FHOD3: variants seen among roughly 807,000 people sequenced by gnomAD.
The protein encoded by FHOD3 is FH1/FH2 domain-containing protein 3.
In FHOD3, 90 loss-of-function variants were observed where a neutral mutation model predicts 173.0. The observed-to-expected ratio is 0.52, with a 90% CI of 0.44 to 0.62. FHOD3 has a LOEUF of 0.62. Ranked by LOEUF, FHOD3 falls within the 20% of genes least tolerant of loss-of-function variation. The pLI is 0.00. For synonymous variants in FHOD3, 828 were observed against 823.0 expected, an observed-to-expected ratio of 1.01 and a Z score of -0.10; for missense variants, 1,945 against 2,034.7, an observed-to-expected ratio of 0.96 and a Z score of 0.85.
intron 8 of FHOD3, among the ~76,000 whole-genome samples, chr18:36,610,093 C>T (rs1373594260): frequency 2.0e-5 from 3 of 152,308 alleles, no homozygotes; most frequent in East Asian, 1.9e-4. Flanking sequence ...GGTGGGGGAA[C>T]GAGGTGAAGA....
At chr18:36,421,442 T>G (rs370643956) in intron 3 of FHOD3, among the ~76,000 whole-genome samples, 82 of 152,346 alleles carry the variant, frequency 5.4e-4, no homozygotes, top group African/African-American at 1.8e-3. Context: ...AGAGTTTGAG[T>G]TGATATTTCA....
chr18:36,691,405 G>T (rs1259355006), intron 16 of FHOD3, among the ~76,000 whole-genome samples: 2 of 152,214 alleles, frequency 1.3e-5, no homozygotes, highest in African/African-American at 4.8e-5. Flanking sequence ...GAATGCCTGT[G>T]CTCACAACTC....
At chr18:36,507,367 G>A (rs1269168211) in intron 4 of FHOD3, among the ~76,000 whole-genome samples, 1 of 152,206 alleles carries the variant, frequency 6.6e-6, no homozygotes, top group African/African-American at 2.4e-5. Flanking sequence ...TGAATCTCAT[G>A]TGCAGACTTG....
intron 4 of FHOD3, among the ~76,000 whole-genome samples, chr18:36,507,750 T>C (rs16967908): frequency 0.026 from 3,982 of 152,288 alleles, 149 homozygotes; most frequent in African/African-American, 0.09. Flanking sequence ...TTCCTGATAC[T>C]AAGCTGAACA....
At chr18:36,622,266 T>G (rs758982875) in intron 9 of FHOD3, among the ~76,000 whole-genome samples, 6 of 152,224 alleles carry the variant, frequency 3.9e-5, no homozygotes, top group Non-Finnish European at 7.3e-5. Context: ...CTATACCACA[T>G]CGTCCCTCTA....
At chr18:36,503,698 C>T (rs142694388) in intron 4 of FHOD3, among the ~76,000 whole-genome samples, 2 of 152,282 alleles carry the variant, frequency 1.3e-5, no homozygotes, top group Admixed American at 1.3e-4. Context: ...GTTTGGTCCT[C>T]CCTAACTCAG....
At chr18:36,534,717 G>C (rs532257647) in intron 5 of FHOD3, among the ~76,000 whole-genome samples, 58 of 152,270 alleles carry the variant, frequency 3.8e-4, no homozygotes, top group Non-Finnish European at 6.5e-4. Context: ...AAAAGATGTA[G>C]AGGACTGAAT....
chr18:36,495,970 C>G (rs572362413), intron 3 of FHOD3, among the ~76,000 whole-genome samples: 1 of 152,264 alleles, frequency 6.6e-6, no homozygotes, highest in Admixed American at 6.5e-5. Context: ...GAAATGGATC[C>G]AAGAGTGATG....
intron 3 of FHOD3, among the ~76,000 whole-genome samples, chr18:36,409,418 G>A (rs561707725): frequency 1.1e-4 from 16 of 152,232 alleles, no homozygotes; most frequent in African/African-American, 3.4e-4. Flanking sequence ...GCTCGTTGCT[G>A]TCTTGCACTA....
Position 36,325,097 on chromosome 18 carries a change from A to G in FHOD3, c.165+27097A>G, listed in dbSNP as rs137910731. 4.8e-3 allele frequency among the ~76,000 whole-genome samples: 734 copies of G among 152,300 alleles called. 5 individuals are homozygous for G. The highest frequency in any genetic ancestry group is 0.017 in the African/African-American group (709 of 41,562). ...AGGAGAGTACATAATGCACATTGAT[A>G]TATCAAGTTCTAGTATAGGGAAAAC... On this transcript the variant is annotated intron_variant, in intron 1 of 28. Coordinates refer to ENST00000590592, the MANE Select transcript of FHOD3 (RefSeq NM_001281740.3).
chr18:36,317,053 T>A (rs571417593), intron 1 of FHOD3, among the ~76,000 whole-genome samples: 3 of 152,374 alleles, frequency 2.0e-5, no homozygotes, highest in African/African-American at 7.2e-5. Context: ...GGACATGAAC[T>A]CATCCTTTTT....
intron 20 of FHOD3, among the ~76,000 whole-genome samples, chr18:36,739,846 A>T (rs2041819788): frequency 6.6e-6 from 1 of 152,174 alleles, no homozygotes; most frequent in South Asian, 2.1e-4. Context: ...TGTTTTAGAA[A>T]TTTTTTGTAG....
intron 6 of FHOD3, among the ~76,000 whole-genome samples, chr18:36,587,571 C>A (rs1054500556): frequency 1.3e-5 from 2 of 152,124 alleles, no homozygotes; most frequent in African/African-American, 4.8e-5. Flanking sequence ...GAGGGTGGAT[C>A]ATCTGAGGTC....
chr18:36,771,260 G>GAC (rs1333723573), intron 28 of FHOD3, among the ~76,000 whole-genome samples: 3 of 152,142 alleles, frequency 2.0e-5, no homozygotes, highest in African/African-American at 7.2e-5. Context: ...TAATAAGATG[G>GAC]ACAGCACCGG....
At chr18:36,712,115 A>G (rs998998032) in intron 18 of FHOD3, among the ~76,000 whole-genome samples, 1 of 152,238 alleles carries the variant, frequency 6.6e-6, no homozygotes, top group Non-Finnish European at 1.5e-5. Context: ...TCCCTCCACC[A>G]GCACCTGTAT....
intron 3 of FHOD3, among the ~76,000 whole-genome samples, chr18:36,448,614 T>A (rs2051639834): frequency 6.6e-6 from 1 of 152,050 alleles, no homozygotes; most frequent in African/African-American, 2.4e-5. Context: ...GAGGGAGGGT[T>A]TTGTTTGGAC....
intron 3 of FHOD3, among the ~76,000 whole-genome samples, chr18:36,374,068 G>A (rs890530775): frequency 2.0e-5 from 3 of 152,204 alleles, no homozygotes; most frequent in Non-Finnish European, 2.9e-5. Flanking sequence ...CCCAGGAATA[G>A]TAAGGTGGCA....
intron 16 of FHOD3, among the ~76,000 whole-genome samples, chr18:36,687,855 T>C (rs2038726151): frequency 6.6e-6 from 1 of 152,260 alleles, no homozygotes; most frequent in Non-Finnish European, 1.5e-5. Flanking sequence ...CTTTGTGGTT[T>C]GTGATGCTAA....
At chr18:36,610,116 CCT>C (rs764601937) in intron 8 of FHOD3, among the ~76,000 whole-genome samples, 1 of 152,172 alleles carries the variant, frequency 6.6e-6, no homozygotes, top group Non-Finnish European at 1.5e-5. Context: ...CTACCAGCGG[CCT>C]CTCTCTGTGC....
Sources: gnomAD v4.1 joint callset for allele counts (sites outside exome capture counted in the v4.1 genomes callset) on GRCh38, gnomAD v4.1.1 for gene constraint, MANE v1.5 for transcripts, NCBI Gene and HGNC (gene_info 2026-07-23, HGNC 2026-07-21) for gene names.